NFATC4: variants seen among roughly 807,000 people sequenced by gnomAD.
The protein encoded by NFATC4 is nuclear factor of activated T-cells, cytoplasmic 4.
In NFATC4, 25 loss-of-function variants were observed where a neutral mutation model predicts 73.4. The ratio of observed to expected loss-of-function variants is 0.34; its 90% CI spans 0.25 to 0.48. The LOEUF (loss-of-function observed/expected upper bound fraction) is 0.48, where lower values mean the gene tolerates loss of function less well. NFATC4 is among the 20% of genes least tolerant of loss of function. NFATC4 has a pLI of 0.99. For missense variants in NFATC4, 1,130 were observed against 1,203.7 expected (o/e 0.94, Z 0.91); for synonymous variants, 523 against 510.3 (o/e 1.02, Z -0.34).
chr14:24,370,708 T>C, intron 2 of NFATC4, 114 bp downstream of exon 2: 1 of 1,396,990 alleles, frequency 7.2e-7, no homozygotes, highest in Non-Finnish European at 9.6e-7. Context: ...TTCAAAAGAG[T>C]ATCTGCAACC....
At chr14:24,375,543 C>A in intron 6 of NFATC4, 117 bp from the exon 7 acceptor site, 1 of 1,015,464 alleles carries the variant, frequency 9.8e-7, no homozygotes, top group Non-Finnish European at 1.5e-6. Flanking sequence ...GTGTGTCAGA[C>A]CTTCTAGGGC....
upstream of NFATC4, chr14:24,367,193 C>T (rs1308343744): frequency 6.2e-7 from 1 of 1,613,902 alleles, no homozygotes; most frequent in East Asian, 2.2e-5. Flanking sequence ...CAGTCCAGGT[C>T]TTCCTTCCTC....
Position 24,377,238 on chromosome 14 carries a change from T to G in NFATC4, c.2641+360T>G. ...GGATGGTAGCTTGCTGAGGTCCCAG[T>G]CAAGCACACTTGCCATTGCCTCAGC... On this transcript the variant is annotated intron_variant, in intron 9 of 9. Coordinates refer to ENST00000250373, the MANE Select transcript of NFATC4 (RefSeq NM_004554.5). This position sits in a 1 kb window ranked among gnomAD's most constrained non-coding sequence, Gnocchi z 4.2. 9 of 1,253,706 alleles carry G rather than the reference T, an allele frequency of 7.2e-6. No homozygotes were observed. The highest frequency in any genetic ancestry group is 9.0e-6 in the Non-Finnish European group (9 of 999,896). 77.7% of individuals were successfully genotyped at this position (1,253,706 alleles called of 1,614,324 possible). A position where few individuals can be genotyped will look rare whatever the true frequency, so the allele number is the denominator to read the frequency against.
rs12890614 is a variant in NFATC4, at chr14:24,374,493, C to T, written c.1873+27C>T. Reference sequence around the variant, plus strand: ...TGAGTACCTGCTGGGGAGGGGAGGGCAGGCAGGGAGAGCTTGGGAGTGGCA... The same window carrying T: ...TGAGTACCTGCTGGGGAGGGGAGGGTAGGCAGGGAGAGCTTGGGAGTGGCA... On this transcript the variant is annotated intron_variant, in intron 6 of 9. Coordinates refer to ENST00000250373, the MANE Select transcript of NFATC4 (RefSeq NM_004554.5). 862,504 of 1,587,440 alleles carry T rather than the reference C, an allele frequency of 0.54. 248,240 individuals carry two copies. The highest frequency in any genetic ancestry group is 0.61 in the Middle Eastern group (3,604 of 5,946).
At chr14:24,367,634 C>T, upstream of NFATC4, 1 of 1,536,122 alleles carries the variant, frequency 6.5e-7, no homozygotes, top group Non-Finnish European at 8.7e-7. Context: ...TTCCAGAAGG[C>T]CCGGGCAGAG....
chr14:24,368,974 A>T, intron 1 of NFATC4: 1 of 977,474 alleles, frequency 1.0e-6, no homozygotes, highest in Non-Finnish European at 1.3e-6. Flanking sequence ...GGCTGGGCCC[A>T]GCACGCATCA....
intron 1 of NFATC4, chr14:24,369,043 C>G: frequency 7.4e-7 from 1 of 1,359,328 alleles, no homozygotes; most frequent in Non-Finnish European, 9.5e-7. Context: ...GCCACCTCCC[C>G]TCGTCACCAC....
chr14:24,374,506 C>G (rs368284613), intron 6 of NFATC4, 40 bp downstream of exon 6: 69 of 1,567,260 alleles, frequency 4.4e-5, no homozygotes, highest in Non-Finnish European at 4.0e-5. Context: ...GCAGGGAGAG[C>G]TTGGGAGTGG....
At chr14:24,367,019 C>T, upstream of NFATC4, 1 of 1,612,974 alleles carries the variant, frequency 6.2e-7, no homozygotes, top group Non-Finnish European at 8.5e-7. Flanking sequence ...GACGCGGCCT[C>T]TAAGAGAGGT....
At position 24,373,032 on chromosome 14, in the gene NFATC4, C is replaced by G. The variant is rs1296613278; in HGVS notation, c.1360-139C>G. On this transcript the variant is annotated intron_variant, in intron 3 of 9. Coordinates refer to ENST00000250373, the MANE Select transcript of NFATC4 (RefSeq NM_004554.5). The surrounding 1 kb of genome is among the most constrained non-coding windows in gnomAD (Gnocchi z 4.7). The stretch of plus-strand genomic sequence containing the variant: ...CCATGTTTTCTCCACAACGGGTGCC[C>G]AGTTCCCCAAGGGATTCCCTTGCAG... 1 of 853,980 alleles carries G rather than the reference C, an allele frequency of 1.2e-6. No homozygotes were observed. Among genetic ancestry groups the G allele is most frequent in the Non-Finnish European group, 1.8e-6 (1 of 562,834 alleles). 52.9% of individuals were successfully genotyped at this position (853,980 alleles called of 1,614,324 possible). A position where few individuals can be genotyped will look rare whatever the true frequency, so the allele number is the denominator to read the frequency against.
Position 24,376,118 on chromosome 14 carries a change from C to T in NFATC4, c.2056+17C>T. On this transcript the variant is annotated intron_variant, in intron 8 of 9. Coordinates refer to ENST00000250373, the MANE Select transcript of NFATC4 (RefSeq NM_004554.5). The surrounding 1 kb of genome is among the most constrained non-coding windows in gnomAD (Gnocchi z 5.0). ...TTCTGCCTGGTGCGCTCTGGGACAG[C>T]CCATGGTGGGGGTATAGGGATATGG... 1 of 1,613,854 alleles carries T rather than the reference C, an allele frequency of 6.2e-7. No individual in the cohort carries two copies. The highest frequency in any genetic ancestry group is 2.2e-5 in the East Asian group (1 of 44,874).
chr14:24,369,665 C>T lies in NFATC4; in HGVS notation c.267C>T (p.Pro89=), dbSNP rs138456772. 1.1e-5 allele frequency: 18 copies of T among 1,612,922 alleles called. No homozygotes were observed. The highest frequency in any genetic ancestry group is 2.2e-5 in the East Asian group (1 of 44,876). ...CACCTGGCACCTGGGAGAGCCAGCC[C>T]GCCAGGTCGGTGAGGCTGGGAGGAC... is the stretch of plus-strand genomic sequence containing the variant. The part of the protein sequence containing the change: ...APSPGTWESQ[P]ARSVRLGGPG... The change falls in exon 2 of 10, where the codon CCC becomes CCT. Residue 89 remains proline, a synonymous_variant. Transcript: ENST00000250373.
intron 6 of NFATC4, 87 bp from the exon 7 acceptor site, chr14:24,375,573 C>A: frequency 6.9e-7 from 1 of 1,459,256 alleles, no homozygotes; most frequent in Non-Finnish European, 9.4e-7. Context: ...TTGGCCTTGG[C>A]TCTAACAGGA....
upstream of NFATC4, chr14:24,367,909 G>C: frequency 7.7e-7 from 1 of 1,305,930 alleles, no homozygotes. Context: ...GTGGGGGCTG[G>C]GCTCTCTGCG....
intron 2 of NFATC4, 180 bp from the exon 3 acceptor site, chr14:24,372,261 C>CT (rs988127179): frequency 6.1e-6 from 4 of 659,822 alleles, no homozygotes; most frequent in African/African-American, 5.4e-5. Context: ...TTTCTTTGTC[C>CT]TTTTTTTAGT....
In NFATC4 at chr14:24,369,520, C is replaced by T; in HGVS notation, c.122C>T (p.Pro41Leu). 6.2e-7 allele frequency: 1 copy of T among 1,610,162 alleles called. No homozygotes were observed. Among genetic ancestry groups the T allele is most frequent in the Non-Finnish European group, 8.5e-7 (1 of 1,177,380 alleles). The part of the protein sequence containing the change: ...LGEELDSEDA[P>L]PCCRLALGEP... ...ACAGAACTGGACTCAGAGGATGCCC[C>T]GCCATGCTGCCGTCTGGCCTTGGGA... Residue 41 changes from proline (P) to leucine (L), a missense_variant, in exon 2 of 10, where the codon CCG (proline) becomes CTG (leucine). Transcript: ENST00000250373.
chr14:24,378,828 G>C lies in NFATC4; in HGVS notation c.*1123G>C, dbSNP rs1015885441. 6.6e-6 allele frequency: 1 copy of C among 152,398 alleles called. No individual in the cohort carries two copies. The allele number at this position is 152,398 out of a possible 1,614,324, so 9.4% of individuals were successfully genotyped here. On this transcript the variant is annotated 3_prime_UTR_variant, in exon 10 of 10. Transcript: ENST00000250373. ...AGCTGGTACATCCATCACCACTGAC[G>C]GGCCTGGCCTGGAAACCTGGTTTGT...
intron 1 of NFATC4, chr14:24,369,150 T>C (rs1345408296): frequency 1.4e-6 from 2 of 1,461,562 alleles, no homozygotes; most frequent in Non-Finnish European, 1.8e-6. Context: ...GCTAATTGGG[T>C]TCATGTGTGA....
chr14:24,377,493 T>G lies in NFATC4; in HGVS notation c.2642-145T>G. On this transcript the variant is annotated intron_variant, in intron 9 of 9. Transcript: ENST00000250373. The surrounding 1 kb of genome is among the most constrained non-coding windows in gnomAD (Gnocchi z 4.2). ...AGGTGTCAAGACGTGTTGGGGAAACTGAGGCCCAGTGGAATAGAAGCCAGT... is the reference window on the plus strand; with the variant it reads ...AGGTGTCAAGACGTGTTGGGGAAACGGAGGCCCAGTGGAATAGAAGCCAGT... 1 of 1,466,508 alleles carries G rather than the reference T, an allele frequency of 6.8e-7. No homozygotes were observed. The highest frequency in any genetic ancestry group is 9.0e-7 in the Non-Finnish European group (1 of 1,112,082). 90.8% of individuals were successfully genotyped at this position (1,466,508 alleles called of 1,614,324 possible). A position where few individuals can be genotyped will look rare whatever the true frequency, so the allele number is the denominator to read the frequency against.
Sources: gnomAD v4.1 joint callset for allele counts on GRCh38, gnomAD v4.1.1 for gene constraint, Gnocchi (gnomAD v3.1) non-coding constraint, MANE v1.5 for transcripts, NCBI Gene and HGNC (gene_info 2026-07-23, HGNC 2026-07-21) for gene names.